FOXL2NB: variants seen among roughly 807,000 people sequenced by gnomAD.
FOXL2NB encodes FOXL2 neighbor.
Under a neutral mutation model 7.4 loss-of-function variants are expected in FOXL2NB, and 10 were observed. The observed-to-expected ratio is 1.34, with a 90% CI of 0.83 to 2.28. The LOEUF (loss-of-function observed/expected upper bound fraction) is 2.28, where lower values mean the gene tolerates loss of function less well. FOXL2NB is among the 30% of genes most tolerant of loss of function. The pLI is 0.00. For synonymous variants in FOXL2NB, 104 were observed against 105.3 expected (o/e 0.99, Z 0.08); for missense variants, 228 against 233.9 (o/e 0.97, Z 0.17).
chr3:138,949,391 C>CGG lies in FOXL2NB; in HGVS notation c.101-128_101-127insGG. 1.2e-6 allele frequency: 1 copy of CGG among 817,352 alleles called. No individual in the cohort carries two copies. 50.6% of individuals were successfully genotyped at this position (817,352 alleles called of 1,614,324 possible). ...AAGAGCCTGTGTGTGTATGCATGTGCGTGTGTGTGTGTGTGTGTGTGTGTG... is the reference window on the plus strand; with the variant it reads ...AAGAGCCTGTGTGTGTATGCATGTGCGGGTGTGTGTGTGTGTGTGTGTGTGTG... On this transcript the variant is annotated intron_variant, in intron 1 of 2. Transcript: ENST00000383165. This position sits in a 1 kb window ranked among gnomAD's most constrained non-coding sequence, Gnocchi z 4.5.
chr3:138,952,105 A>C lies in FOXL2NB; in HGVS notation c.*1533A>C, dbSNP rs1339185915. ...TAGGCAAGGGCAAGGACACCTCCCTAGTTCCCAGTCATGGTGAGGACCTGT... is the reference window on the plus strand; with the variant it reads ...TAGGCAAGGGCAAGGACACCTCCCTCGTTCCCAGTCATGGTGAGGACCTGT... On this transcript the variant is annotated 3_prime_UTR_variant, in exon 3 of 3. Transcript: ENST00000383165. 6.6e-6 allele frequency: 1 copy of C among 152,228 alleles called. No individual in the cohort carries two copies. The highest frequency in any genetic ancestry group is 1.5e-5 in the Non-Finnish European group (1 of 68,046). The allele number at this position is 152,228 out of a possible 1,614,324, so 9.4% of individuals were successfully genotyped here.
intron 2 of FOXL2NB, 93 bp from the exon 3 acceptor site, chr3:138,950,172 G>A: frequency 1.5e-6 from 2 of 1,356,706 alleles, no homozygotes; most frequent in East Asian, 2.4e-5. Context: ...CTCAGCTCCC[G>A]CGCCTCCTCG....
rs1256329589 is a variant in FOXL2NB, at chr3:138,950,359, A to G, written c.315A>G (p.Ala105=). 6.2e-7 allele frequency: 1 copy of G among 1,611,972 alleles called. No individual in the cohort carries two copies. The highest frequency in any genetic ancestry group is 1.7e-5 in the Admixed American group (1 of 59,622). Reference sequence around the variant, plus strand: ...GGAAGCGTCGCGGCTGCTCTGAGGCAGGCAGCGCTTCGCTAGAACCACTCA... The same window carrying G: ...GGAAGCGTCGCGGCTGCTCTGAGGCGGGCAGCGCTTCGCTAGAACCACTCA... The part of the protein sequence containing the change: ...LLGKRRGCSE[A]GSASLEPLSS... Residue 105 remains alanine (A), a synonymous_variant, in exon 3 of 3, where the codon GCA becomes GCG. Coordinates refer to ENST00000383165, the MANE Select transcript of FOXL2NB (RefSeq NM_001040061.3).
chr3:138,948,031 G>A, intron 1 of FOXL2NB: 1 of 975,104 alleles, frequency 1.0e-6, no homozygotes, highest in Non-Finnish European at 1.2e-6. Flanking sequence ...CAAGGTGTGA[G>A]ATTTGTATTT....
At position 138,950,672 on chromosome 3, in the gene FOXL2NB, C is replaced by A; in HGVS notation, c.*100C>A. 7.8e-7 allele frequency: 1 copy of A among 1,286,880 alleles called. No homozygotes were observed. Among genetic ancestry groups the A allele is most frequent in the Non-Finnish European group, 1.1e-6 (1 of 907,402 alleles). 79.7% of individuals were successfully genotyped at this position (1,286,880 alleles called of 1,614,324 possible). A position where few individuals can be genotyped will look rare whatever the true frequency, so the allele number is the denominator to read the frequency against. On this transcript the variant is annotated 3_prime_UTR_variant, in exon 3 of 3. Coordinates refer to ENST00000383165, the MANE Select transcript of FOXL2NB (RefSeq NM_001040061.3). ...ACCCACACCTCAGGGACTCGGTGTC[C>A]CTCCACTCAGGTCACGTTACTCCAT...
chr3:138,947,422 C>T lies in FOXL2NB; in HGVS notation c.58C>T (p.Pro20Ser). 6.5e-7 allele frequency: 1 copy of T among 1,547,646 alleles called. No individual in the cohort carries two copies. The highest frequency in any genetic ancestry group is 1.2e-5 in the South Asian group (1 of 83,852). ...RTRPKPRKLG[P>S]QRGKALQASS... ...CCGGCCAAAGCCCAGGAAGCTCGGGCCCCAGCGAGGAAAGGCGCTCCAAGC... is the reference window on the plus strand; with the variant it reads ...CCGGCCAAAGCCCAGGAAGCTCGGGTCCCAGCGAGGAAAGGCGCTCCAAGC... The change falls in exon 1 of 3, where the codon CCC becomes TCC. Residue 20 changes from proline (P) to serine (S), a missense_variant. Coordinates refer to ENST00000383165, the MANE Select transcript of FOXL2NB (RefSeq NM_001040061.3). The surrounding 1 kb of genome is among the most constrained non-coding windows in gnomAD (Gnocchi z 5.2).
Position 138,949,411 on chromosome 3 carries a change from T to C in FOXL2NB, c.101-109T>C. 8.5e-7 allele frequency: 1 copy of C among 1,171,424 alleles called. No homozygotes were observed. The highest frequency in any genetic ancestry group is 1.2e-6 in the Non-Finnish European group (1 of 819,888). The allele number at this position is 1,171,424 out of a possible 1,614,324, so 72.6% of individuals were successfully genotyped here. On this transcript the variant is annotated intron_variant, in intron 1 of 2. Transcript: ENST00000383165. The surrounding 1 kb of genome is among the most constrained non-coding windows in gnomAD (Gnocchi z 4.5). ...ATGTGCGTGTGTGTGTGTGTGTGTGTGTGTGTAGGGGTTGGGGGCAAATGA... is the reference window on the plus strand; with the variant it reads ...ATGTGCGTGTGTGTGTGTGTGTGTGCGTGTGTAGGGGTTGGGGGCAAATGA...
At position 138,952,823 on chromosome 3, in the gene FOXL2NB, CCAGT is replaced by C. The variant is rs1936158691; in HGVS notation, c.*2256_*2259del. The C allele has an allele frequency of 6.6e-6, 1 of 151,784 alleles. No individual in the cohort carries two copies. The highest frequency in any genetic ancestry group is 2.4e-5 in the African/African-American group (1 of 41,252). The allele number at this position is 151,784 out of a possible 1,614,324, so 9.4% of individuals were successfully genotyped here. On this transcript the variant is annotated 3_prime_UTR_variant, in exon 3 of 3. Transcript: ENST00000383165. ...GGATTACAGGTGTGAGCCACCATGCCCAGTCAGTTTTTTATTTTTTATTTAAACA... is the reference window on the plus strand; with the variant it reads ...GGATTACAGGTGTGAGCCACCATGCCCAGTTTTTTATTTTTTATTTAAACA...
intron 1 of FOXL2NB, among the ~76,000 whole-genome samples, chr3:138,948,704 G>A (rs1936047044): frequency 6.6e-6 from 1 of 152,156 alleles, no homozygotes; most frequent in East Asian, 1.9e-4. Flanking sequence ...AGCCTTCAGC[G>A]GCCTGTGGTT....
At position 138,952,515 on chromosome 3, in the gene FOXL2NB, T is replaced by C. The variant is rs1191450452; in HGVS notation, c.*1943T>C. 1 of 151,966 alleles carries C rather than the reference T, an allele frequency of 6.6e-6. No individual in the cohort carries two copies. Among genetic ancestry groups the C allele is most frequent in the Non-Finnish European group, 1.5e-5 (1 of 68,296 alleles). The allele number at this position is 151,966 out of a possible 1,614,324, so 9.4% of individuals were successfully genotyped here. A position where few individuals can be genotyped will look rare whatever the true frequency, so the allele number is the denominator to read the frequency against. ...TGCACTATAACTTTATGAAACACTT[T>C]TTTTTTTTTTGAGACAGGGTCTCAC... On this transcript the variant is annotated 3_prime_UTR_variant, in exon 3 of 3. Coordinates refer to ENST00000383165, the MANE Select transcript of FOXL2NB (RefSeq NM_001040061.3).
At position 138,949,546 on chromosome 3, in the gene FOXL2NB, A is replaced by T; in HGVS notation, c.127A>T (p.Met43Leu). The T allele has an allele frequency of 6.2e-7, 1 of 1,614,136 alleles. No individual in the cohort carries two copies. The highest frequency in any genetic ancestry group is 8.5e-7 in the Non-Finnish European group (1 of 1,180,004). The change falls in exon 2 of 3, where the codon ATG (methionine) becomes TTG (leucine). Residue 43 changes from methionine (M) to leucine (L), a missense_variant. Met to Leu is a conservative substitution (Grantham distance 15). Transcript: ENST00000383165. This position sits in a 1 kb window ranked among gnomAD's most constrained non-coding sequence, Gnocchi z 4.5. ...ATCCCCAGCCCTGGTGAAGAAGAGGATGCCTGATGCGTGCACCCTGGGAAG... is the reference window on the plus strand; with the variant it reads ...ATCCCCAGCCCTGGTGAAGAAGAGGTTGCCTGATGCGTGCACCCTGGGAAG... ...SESPALVKKR[M>L]PDACTLGRAG...
Position 138,953,455 on chromosome 3 carries a change from C to T in FOXL2NB, c.*2883C>T, listed in dbSNP as rs998604898. The T allele has an allele frequency of 3.3e-5, 5 of 152,186 alleles. No homozygotes were observed. The highest frequency in any genetic ancestry group is 1.3e-4 in the Admixed American group (2 of 15,286). The allele number at this position is 152,186 out of a possible 1,614,324, so 9.4% of individuals were successfully genotyped here. A position where few individuals can be genotyped will look rare whatever the true frequency, so the allele number is the denominator to read the frequency against. On this transcript the variant is annotated 3_prime_UTR_variant, in exon 3 of 3. Coordinates refer to ENST00000383165, the MANE Select transcript of FOXL2NB (RefSeq NM_001040061.3). ...GCTCCATCCAGGTTGCTGTGAATGC[C>T]ATTATTTTGTTCCTTTTTATGGCTG...
chr3:138,948,977 C>T (rs1296345352), intron 1 of FOXL2NB, among the ~76,000 whole-genome samples: 4 of 152,322 alleles, frequency 2.6e-5, no homozygotes, highest in South Asian at 2.1e-4. Context: ...GCAGCACTTC[C>T]GCAGAATCCC....
chr3:138,948,958 A>G (rs1936054268), intron 1 of FOXL2NB, among the ~76,000 whole-genome samples: 1 of 152,190 alleles, frequency 6.6e-6, no homozygotes, highest in Admixed American at 6.5e-5. Context: ...CCCAACAGAC[A>G]TGGGGGAAGC....
At position 138,948,789 on chromosome 3, in the gene FOXL2NB, G is replaced by A. The variant is rs535091147; in HGVS notation, c.101-731G>A. On this transcript the variant is annotated intron_variant, in intron 1 of 2. Coordinates refer to ENST00000383165, the MANE Select transcript of FOXL2NB (RefSeq NM_001040061.3). Reference sequence around the variant, plus strand: ...TCTGATCTGCATTCTGAGATGAAAGGGAGGGAGGACAAGGGTGGTAGGGCT... The same window carrying A: ...TCTGATCTGCATTCTGAGATGAAAGAGAGGGAGGACAAGGGTGGTAGGGCT... Among the ~76,000 whole-genome samples the A allele has an allele frequency of 2.8e-4, 42 of 152,356 alleles. 1 individual carries two copies. The South Asian group carries it at 2.9e-3, about 11-fold the overall frequency.
chr3:138,949,414 G>GTGTA lies in FOXL2NB; in HGVS notation c.101-105_101-102dup. On this transcript the variant is annotated intron_variant, in intron 1 of 2. Transcript: ENST00000383165. This position sits in a 1 kb window ranked among gnomAD's most constrained non-coding sequence, Gnocchi z 4.5. ...TGCGTGTGTGTGTGTGTGTGTGTGT[G>GTGTA]TGTAGGGGTTGGGGGCAAATGAAGG... 8.2e-7 allele frequency: 1 copy of GTGTA among 1,224,520 alleles called. No individual in the cohort carries two copies. Among genetic ancestry groups the GTGTA allele is most frequent in the Non-Finnish European group, 1.2e-6 (1 of 865,916 alleles). The allele number at this position is 1,224,520 out of a possible 1,614,324, so 75.9% of individuals were successfully genotyped here.
In FOXL2NB at chr3:138,947,493, C is replaced by G. The variant is rs766689103; in HGVS notation, c.100+29C>G. The G allele has an allele frequency of 1.7e-5, 25 of 1,512,478 alleles. No individual in the cohort carries two copies. Among genetic ancestry groups the G allele is most frequent in the African/African-American group, 9.8e-5 (7 of 71,424 alleles). The allele number at this position is 1,512,478 out of a possible 1,614,324, so 93.7% of individuals were successfully genotyped here. On this transcript the variant is annotated intron_variant, in intron 1 of 2. Coordinates refer to ENST00000383165, the MANE Select transcript of FOXL2NB (RefSeq NM_001040061.3). The surrounding 1 kb of genome is among the most constrained non-coding windows in gnomAD (Gnocchi z 5.2). ...AAAGAAAACGACTCCTTTGCTCTGC[C>G]GTTTGCTGCCGTCTTGAGGCTGAAC...
In FOXL2NB at chr3:138,947,398, C is replaced by T. The variant is rs988502946; in HGVS notation, c.34C>T (p.Arg12Trp). ...GACCCCGGTGGGGTCTGCCCGCACC[C>T]GGCCAAAGCCCAGGAAGCTCGGGCC... ...TRTPVGSARTRPKPRKLGPQR... is the reference protein window; with the variant it reads ...TRTPVGSARTWPKPRKLGPQR... Residue 12 changes from arginine (R) to tryptophan (W), a missense_variant, in exon 1 of 3, where the codon CGG (arginine) becomes TGG (tryptophan). Arg to Trp is a moderately radical substitution (Grantham distance 101). Coordinates refer to ENST00000383165, the MANE Select transcript of FOXL2NB (RefSeq NM_001040061.3). The surrounding 1 kb of genome is among the most constrained non-coding windows in gnomAD (Gnocchi z 5.2). 5.8e-6 allele frequency: 9 copies of T among 1,548,508 alleles called. No homozygotes were observed. In the Admixed American group the frequency reaches 9.8e-5, roughly 17 times the overall value.
In FOXL2NB at chr3:138,951,180, G is replaced by A. The variant is rs1936124734; in HGVS notation, c.*608G>A. On this transcript the variant is annotated 3_prime_UTR_variant, in exon 3 of 3. Transcript: ENST00000383165. The stretch of plus-strand genomic sequence containing the variant: ...CATAGCACCAGGTCTGAAGCCAGTG[G>A]GTATTAGTCTGCCTGGTTGGGATTA... The A allele has an allele frequency of 6.5e-6, 1 of 152,778 alleles. No homozygotes were observed. Among genetic ancestry groups the A allele is most frequent in the African/African-American group, 2.4e-5 (1 of 41,448 alleles). The allele number at this position is 152,778 out of a possible 1,614,324, so 9.5% of individuals were successfully genotyped here.
Sources: allele counts gnomAD v4.1 joint callset (sites outside exome capture counted in the v4.1 genomes callset), GRCh38; gene constraint gnomAD v4.1.1; non-coding constraint Gnocchi (gnomAD v3.1); transcripts MANE v1.5; gene names NCBI Gene and HGNC (gene_info 2026-07-23, HGNC 2026-07-21).